Variants in HIVEP1 observed in about 807,000 individuals in gnomAD.
HIVEP1 encodes HIVEP zinc finger 1.
HIVEP1 carries 36 observed loss-of-function variants against 180.0 expected under a neutral mutation model. That is an observed-to-expected ratio of 0.20 (90% CI 0.15 to 0.26). The LOEUF (loss-of-function observed/expected upper bound fraction) is 0.26, where lower values mean the gene tolerates loss of function less well. Ranked by LOEUF, HIVEP1 falls within the 10% of genes least tolerant of loss-of-function variation. The probability of loss-of-function intolerance (pLI) is 1.00; values close to 1 mark genes in which losing one functional copy is unlikely to be tolerated. For missense variants in HIVEP1, 3,143 were observed against 3,268.7 expected (o/e 0.96, Z 0.94); for synonymous variants, 1,239 against 1,239.0 (o/e 1.00, Z 0.00).
intron 3 of HIVEP1, among the ~76,000 whole-genome samples, chr6:12,118,841 T>C (rs770053281): frequency 6.6e-6 from 1 of 152,248 alleles, no homozygotes; most frequent in Non-Finnish European, 1.5e-5. Flanking sequence ...TATGGTCTGC[T>C]CTAGAAATTA....
rs143063534 is a variant in HIVEP1 at position 12,124,279 on chromosome 6, C to T, written c.4484C>T (p.Thr1495Ile). The T allele has an allele frequency of 6.2e-7, 1 of 1,614,078 alleles. No homozygotes were observed. The highest frequency in any genetic ancestry group is 2.2e-5 in the East Asian group (1 of 44,890). ...QTQVKDLQAE[T>I]SNSSSTNVFP... ...CAGGTTAAGGATCTGCAGGCAGAAA[C>T]ATCAAACTCCAGCTCTACCAACGTT... Residue 1495 changes from threonine to isoleucine, a missense_variant, in exon 4 of 9, where the codon ACA (threonine) becomes ATA (isoleucine). Thr to Ile is a moderately conservative substitution (Grantham distance 89, BLOSUM62 -1). This residue lies in a region of HIVEP1 where 1,357 missense variants were observed against 1,260.5 expected (regional missense o/e 1.08). Transcript: ENST00000379388.
the HIVEP1 span, among the ~76,000 whole-genome samples, chr6:12,204,763 T>C: frequency 6.6e-6 from 1 of 152,190 alleles, no homozygotes; most frequent in South Asian, 2.1e-4. Flanking sequence ...CTCATGAGTG[T>C]CCAATTACTT....
At chr6:12,075,003 T>G (rs990387090) in intron 2 of HIVEP1, among the ~76,000 whole-genome samples, 1 of 152,200 alleles carries the variant, frequency 6.6e-6, no homozygotes, top group Non-Finnish European at 1.5e-5. Flanking sequence ...AAACCAAAGT[T>G]AAATCTCACA....
intron 2 of HIVEP1, among the ~76,000 whole-genome samples, chr6:12,033,669 G>C (rs1421373204): frequency 6.6e-6 from 1 of 152,086 alleles, no homozygotes; most frequent in African/African-American, 2.4e-5. Flanking sequence ...TATTTTCATA[G>C]AGTTTTTAGA....
intron 2 of HIVEP1, among the ~76,000 whole-genome samples, chr6:12,072,134 C>T (rs529845092): frequency 2.6e-5 from 4 of 151,582 alleles, no homozygotes; most frequent in South Asian, 2.1e-4. Context: ...ACAGAAACAG[C>T]GATAGGCTGA....
chr6:12,133,234 T>C (rs1215010579), intron 6 of HIVEP1, among the ~76,000 whole-genome samples: 1 of 152,210 alleles, frequency 6.6e-6, no homozygotes, highest in Non-Finnish European at 1.5e-5. Context: ...TTTTAATTGA[T>C]TTGTTTTCAT....
intron 2 of HIVEP1, among the ~76,000 whole-genome samples, chr6:12,024,431 C>T (rs982303334): frequency 6.6e-6 from 1 of 152,122 alleles, no homozygotes. Flanking sequence ...AGTCCCTAAG[C>T]ATGAATTGGA....
the HIVEP1 span, among the ~76,000 whole-genome samples, chr6:12,200,611 GCT>G: frequency 6.6e-6 from 1 of 152,178 alleles, no homozygotes; most frequent in Non-Finnish European, 1.5e-5. Context: ...ATTGGAGGTA[GCT>G]CTCTTTTATG....
Position 12,124,196 on chromosome 6 carries a change from T to C in HIVEP1, c.4401T>C (p.Pro1467=), listed in dbSNP as rs376161379. 20 of 1,614,024 alleles carry C rather than the reference T, an allele frequency of 1.2e-5. No homozygotes were observed. Among genetic ancestry groups the C allele is most frequent in the Non-Finnish European group, 1.6e-5 (19 of 1,179,978 alleles). ...TGAATGCAGTGCCATATCAGGGGCC[T>C]CAGCTCACTAGTACATCTTTAGCTG... ...PSVNAVPYQG[P]QLTSTSLAEF... Residue 1467 remains proline, a synonymous_variant, in exon 4 of 9, where the codon CCT becomes CCC. Coordinates refer to ENST00000379388, the MANE Select transcript of HIVEP1 (RefSeq NM_002114.4).
rs948308342 is a variant in HIVEP1 at position 12,070,670 on chromosome 6, C to T, written c.41-18514C>T. Among the ~76,000 whole-genome samples the T allele has an allele frequency of 4.6e-5, 7 of 152,232 alleles. No individual in the cohort carries two copies. In the South Asian group the frequency reaches 6.2e-4, roughly 14 times the overall value. On this transcript the variant is annotated intron_variant, in intron 2 of 8. Coordinates refer to ENST00000379388, the MANE Select transcript of HIVEP1 (RefSeq NM_002114.4). ...ATTTAAAAAATTTAGGATTCTCATACTCTAAAAAGTCACTATCCATATTTC... is the reference window on the plus strand; with the variant it reads ...ATTTAAAAAATTTAGGATTCTCATATTCTAAAAAGTCACTATCCATATTTC...
At chr6:12,020,925 C>T (rs1768155653) in intron 2 of HIVEP1, among the ~76,000 whole-genome samples, 1 of 130,800 alleles carries the variant, frequency 7.6e-6, no homozygotes, top group South Asian at 2.5e-4. Context: ...GAGTCTCACT[C>T]TGTCACCCAG....
intron 3 of HIVEP1, among the ~76,000 whole-genome samples, chr6:12,098,114 C>A (rs1394640270): frequency 6.6e-6 from 1 of 152,142 alleles, no homozygotes; most frequent in Non-Finnish European, 1.5e-5. Context: ...GGAGAAAAGT[C>A]ACTGCCAATT....
chr6:12,084,940 C>T (rs140260017), intron 2 of HIVEP1, among the ~76,000 whole-genome samples: 2 of 152,202 alleles, frequency 1.3e-5, no homozygotes, highest in South Asian at 4.1e-4. Context: ...GGTACTGATA[C>T]AGCTTCCCAA....
intron 2 of HIVEP1, among the ~76,000 whole-genome samples, chr6:12,058,652 CA>C (rs1771024716): frequency 6.6e-6 from 1 of 152,126 alleles, no homozygotes; most frequent in Non-Finnish European, 1.5e-5. Context: ...AAGCTTTAGG[CA>C]GGGGGTAGAT....
At chr6:12,199,891 G>A in the HIVEP1 span, among the ~76,000 whole-genome samples, 1 of 152,170 alleles carries the variant, frequency 6.6e-6, no homozygotes, top group Non-Finnish European at 1.5e-5. Flanking sequence ...GAAGCTGGGT[G>A]CTGCCCTGTC....
At chr6:12,031,793 G>A (rs536136215) in intron 2 of HIVEP1, among the ~76,000 whole-genome samples, 1 of 152,268 alleles carries the variant, frequency 6.6e-6, no homozygotes, top group Admixed American at 6.5e-5. Context: ...GTTTTGTGTG[G>A]CTTTATGGTT....
chr6:12,081,392 C>A (rs1772779019), intron 2 of HIVEP1, among the ~76,000 whole-genome samples: 1 of 152,146 alleles, frequency 6.6e-6, no homozygotes, highest in Non-Finnish European at 1.5e-5. Flanking sequence ...CACTAAACTC[C>A]TTTTTCTTTG....
intron 2 of HIVEP1, among the ~76,000 whole-genome samples, chr6:12,017,357 GTTTCTTTC>G (rs1767860037): frequency 6.6e-6 from 1 of 152,176 alleles, no homozygotes; most frequent in Admixed American, 6.5e-5. Context: ...TGTGTTTGGA[GTTTCTTTC>G]TTCTGGTAGG....
chr6:12,080,113 G>A (rs977509891), intron 2 of HIVEP1, among the ~76,000 whole-genome samples: 5 of 152,108 alleles, frequency 3.3e-5, no homozygotes, highest in Admixed American at 3.3e-4. Context: ...GGTCATCAAA[G>A]CAGGAGCTAA....
Sources: allele counts gnomAD v4.1 joint callset (sites outside exome capture counted in the v4.1 genomes callset), GRCh38; gene constraint gnomAD v4.1.1; regional missense constraint gnomAD v4.1.1; transcripts MANE v1.5; gene names NCBI Gene and HGNC (gene_info 2026-07-23, HGNC 2026-07-21).